Variants in ZFHX3 observed in about 807,000 individuals in gnomAD.
ZFHX3 encodes zinc finger homeobox 3.
ZFHX3 carries 42 observed loss-of-function variants against 279.1 expected under a neutral mutation model. The observed-to-expected ratio is 0.15, with a 90% CI of 0.12 to 0.19. The LOEUF (loss-of-function observed/expected upper bound fraction) is 0.19. Ranked by LOEUF, ZFHX3 falls within the 10% of genes least tolerant of loss-of-function variation. ZFHX3 has a pLI of 1.00. For missense variants in ZFHX3, 4,981 were observed against 4,754.0 expected (o/e 1.05, Z -1.40); for synonymous variants, 2,293 against 1,957.8 (o/e 1.17, Z -4.52).
At chr16:73,624,110 C>A (rs1417559292) in intron 2 of ZFHX3, among the ~76,000 whole-genome samples, 4 of 152,106 alleles carry the variant, frequency 2.6e-5, no homozygotes, top group Non-Finnish European at 5.9e-5. Context: ...AGCTCATATC[C>A]TAGGATGGCT....
At chr16:73,111,465 A>C (rs910869045) in intron 7 of ZFHX3, among the ~76,000 whole-genome samples, 1 of 152,194 alleles carries the variant, frequency 6.6e-6, no homozygotes, top group Non-Finnish European at 1.5e-5. Context: ...CTTGCTGTCT[A>C]TAGGAAATTG....
intron 4 of ZFHX3, among the ~76,000 whole-genome samples, chr16:72,873,430 T>G (rs926260346): frequency 6.6e-6 from 1 of 152,232 alleles, no homozygotes; most frequent in Non-Finnish European, 1.5e-5. Flanking sequence ...CAATGAGAAT[T>G]CAGGTACGTT....
At chr16:73,747,216 A>T (rs1404473381) in intron 1 of ZFHX3, among the ~76,000 whole-genome samples, 1 of 152,086 alleles carries the variant, frequency 6.6e-6, no homozygotes, top group Non-Finnish European at 1.5e-5. Context: ...CAGGGTCTCT[A>T]TTAAAAATAT....
chr16:73,871,802 A>G (rs74575081), intron 1 of ZFHX3, among the ~76,000 whole-genome samples: 2,612 of 152,294 alleles, frequency 0.017, 24 homozygotes, highest in Middle Eastern at 0.031. Context: ...CCATAGTTAG[A>G]CTTGCTAACA....
chr16:72,813,080 A>G (rs560706977), intron 5 of ZFHX3, among the ~76,000 whole-genome samples: 14 of 152,350 alleles, frequency 9.2e-5, no homozygotes, highest in African/African-American at 3.4e-4. Context: ...GTATGGTTGG[A>G]TCTGGTTGTT....
chr16:73,081,566 T>G (rs1712786174), intron 8 of ZFHX3: 1 of 152,108 alleles, frequency 6.6e-6, no homozygotes, highest in South Asian at 2.1e-4. Flanking sequence ...GCCCAAATTG[T>G]CTTTAACCAT....
intron 1 of ZFHX3, among the ~76,000 whole-genome samples, chr16:72,980,433 T>C (rs1962540639): frequency 6.6e-6 from 1 of 152,136 alleles, no homozygotes; most frequent in Admixed American, 6.5e-5. Flanking sequence ...CAGATAAGTC[T>C]GAATTGCAAC....
At chr16:73,479,560 C>G (rs1295149866) in intron 2 of ZFHX3, among the ~76,000 whole-genome samples, 1 of 152,188 alleles carries the variant, frequency 6.6e-6, no homozygotes, top group Non-Finnish European at 1.5e-5. Flanking sequence ...TGCTCCTGCA[C>G]TCTGTTATAT....
intron 3 of ZFHX3, among the ~76,000 whole-genome samples, chr16:73,359,695 G>C (rs936324667): frequency 1.3e-5 from 2 of 152,206 alleles, no homozygotes; most frequent in African/African-American, 4.8e-5. Flanking sequence ...CTTCTCTCTG[G>C]AAGTGGGTGA....
At chr16:73,322,561 C>G (rs2015596758) in intron 3 of ZFHX3, among the ~76,000 whole-genome samples, 2 of 152,104 alleles carry the variant, frequency 1.3e-5, no homozygotes, top group Non-Finnish European at 2.9e-5. Context: ...GAATTGCTCT[C>G]GGTTTCCAAT....
chr16:72,908,692 T>C (rs2039247377), intron 3 of ZFHX3, among the ~76,000 whole-genome samples: 1 of 152,202 alleles, frequency 6.6e-6, no homozygotes. Context: ...CCATTGGGCT[T>C]TGTTATTATG....
Position 73,600,699 on chromosome 16 carries a change from C to A in ZFHX3, c.-1547+79481G>T, listed in dbSNP as rs370499888. On this transcript the variant is annotated intron_variant, in intron 2 of 17. Coordinates refer to the ZFHX3 transcript ENST00000641206. ...CCTCCCAAAGTGCTAGGATTACAGG[C>A]GTGAGCCACCATGCCTGGCCATTTT... 2.9e-4 allele frequency among the ~76,000 whole-genome samples: 44 copies of A among 152,244 alleles called. 2 individuals are homozygous for A. In the South Asian group the frequency reaches 9.1e-3, roughly 32 times the overall value.
chr16:73,763,116 T>C (rs2053890421), intron 1 of ZFHX3, among the ~76,000 whole-genome samples: 2 of 152,144 alleles, frequency 1.3e-5, no homozygotes, highest in Non-Finnish European at 2.9e-5. Context: ...TCTGTGAAAA[T>C]TAAGATGTTA....
chr16:73,030,438 A>T (rs1196959849), intron 1 of ZFHX3, among the ~76,000 whole-genome samples: 1 of 152,230 alleles, frequency 6.6e-6, no homozygotes. Context: ...TCCTCTTTCC[A>T]GGTAGCTGGG....
rs2143372875 is a variant in ZFHX3 at position 72,793,138 on chromosome 16, T to C, written c.9427+117A>G. The C allele has an allele frequency of 2.7e-6, 4 of 1,490,906 alleles. No individual in the cohort carries two copies. The highest frequency in any genetic ancestry group is 3.6e-6 in the Non-Finnish European group (4 of 1,118,578). The allele number at this position is 1,490,906 out of a possible 1,614,324, so 92.4% of individuals were successfully genotyped here. A position where few individuals can be genotyped will look rare whatever the true frequency, so the allele number is the denominator to read the frequency against. On this transcript the variant is annotated intron_variant, in intron 9 of 9. Transcript: ENST00000268489. This position sits in a 1 kb window ranked among gnomAD's most constrained non-coding sequence, Gnocchi z 4.3. ...TGAAGTCTTGTTGCTTTTAAAGAAC[T>C]AGAAAGGTAAGCTTCCCATCTGCCC... is the stretch of plus-strand genomic sequence containing the variant.
At chr16:73,251,822 CCACA>C (rs369897195) in intron 5 of ZFHX3, among the ~76,000 whole-genome samples, 2 of 135,218 alleles carry the variant, frequency 1.5e-5, no homozygotes, top group East Asian at 4.5e-4. Context: ...TGCACACACA[CCACA>C]CACACACCAT....
chr16:73,539,575 A>G (rs1206865934), intron 2 of ZFHX3, among the ~76,000 whole-genome samples: 1 of 151,354 alleles, frequency 6.6e-6, no homozygotes, highest in East Asian at 1.9e-4. Flanking sequence ...CATGCCAGCA[A>G]CACCGTGGGT....
At chr16:73,136,242 A>T (rs564870837) in intron 6 of ZFHX3, among the ~76,000 whole-genome samples, 6 of 151,692 alleles carry the variant, frequency 4.0e-5, no homozygotes, top group Admixed American at 3.9e-4. Context: ...TTTTATTCCT[A>T]TGTCTTCCAC....
chr16:73,864,270 G>A (rs1961955007), intron 1 of ZFHX3, among the ~76,000 whole-genome samples: 1 of 152,156 alleles, frequency 6.6e-6, no homozygotes, highest in African/African-American at 2.4e-5. Flanking sequence ...TATTAACGTA[G>A]TCAACGTTAA....
Sources: gnomAD v4.1 joint callset for allele counts (sites outside exome capture counted in the v4.1 genomes callset) on GRCh38, gnomAD v4.1.1 for gene constraint, Gnocchi (gnomAD v3.1) non-coding constraint, MANE v1.5 for transcripts, NCBI Gene and HGNC (gene_info 2026-07-23, HGNC 2026-07-21) for gene names.